Variants in ERBB4 observed in about 807,000 individuals in gnomAD.
The protein encoded by ERBB4 is erb-b2 receptor tyrosine kinase 4.
Under a neutral mutation model 158.0 loss-of-function variants are expected in ERBB4, and 42 were observed. The ratio of observed to expected loss-of-function variants is 0.27; its 90% CI spans 0.21 to 0.34. The LOEUF is 0.34. Among genes scored for constraint, ERBB4 ranks in the 10% least tolerant of loss-of-function variants. The pLI is 1.00. For missense variants in ERBB4, 1,333 were observed against 1,624.1 expected, an observed-to-expected ratio of 0.82 and a Z score of 3.08; for synonymous variants, 583 against 558.7, an observed-to-expected ratio of 1.04 and a Z score of -0.61.
chr2:212,526,055 C>A (rs1374883485), intron 1 of ERBB4, among the ~76,000 whole-genome samples: 1 of 151,788 alleles, frequency 6.6e-6, no homozygotes, highest in Non-Finnish European at 1.5e-5. Context: ...ATAAATCTGC[C>A]TTCACAGAGC....
At chr2:211,409,237 T>C (rs2063207128) in intron 25 of ERBB4, among the ~76,000 whole-genome samples, 1 of 152,172 alleles carries the variant, frequency 6.6e-6, no homozygotes, top group African/African-American at 2.4e-5. Flanking sequence ...TTTTACCATG[T>C]AACCTGGAAG....
At chr2:211,385,816 T>G (rs994967683) in intron 27 of ERBB4, among the ~76,000 whole-genome samples, 29 of 152,094 alleles carry the variant, frequency 1.9e-4, no homozygotes, top group African/African-American at 7.0e-4. Flanking sequence ...GGAGTGAAAA[T>G]CTCCCCAGAA....
rs556117542 is a variant in ERBB4 at position 211,514,889 on chromosome 2, G to A, written c.2487+47014C>T. ...TGCTCAAAAAGTTTCAAGTTTTGCA[G>A]CATTTTGGATTTTGATTTTCCAGAT... is the stretch of plus-strand genomic sequence containing the variant. On this transcript the variant is annotated intron_variant, in intron 20 of 27. Coordinates refer to ENST00000342788, the MANE Select transcript of ERBB4 (RefSeq NM_005235.3). 3.9e-5 allele frequency among the ~76,000 whole-genome samples: 6 copies of A among 152,212 alleles called. No homozygotes were observed. The East Asian group carries it at 1.2e-3, about 29-fold the overall frequency.
At chr2:212,168,028 T>A (rs1559641582) in intron 1 of ERBB4, among the ~76,000 whole-genome samples, 1 of 151,370 alleles carries the variant, frequency 6.6e-6, no homozygotes. Flanking sequence ...GTAACAAACT[T>A]GCACGTTCTG....
At chr2:212,410,992 C>A (rs1009984811) in intron 1 of ERBB4, among the ~76,000 whole-genome samples, 6 of 151,826 alleles carry the variant, frequency 4.0e-5, no homozygotes, top group African/African-American at 1.4e-4. Context: ...TCTATTTACA[C>A]AATTTATATT....
intron 3 of ERBB4, among the ~76,000 whole-genome samples, chr2:211,789,220 G>C (rs895491896): frequency 6.6e-6 from 1 of 152,072 alleles, no homozygotes; most frequent in African/African-American, 2.4e-5. Context: ...TCATGCATCA[G>C]TCCATAAAGT....
At chr2:212,214,673 T>C (rs2083042050) in intron 1 of ERBB4, among the ~76,000 whole-genome samples, 2 of 111,960 alleles carry the variant, frequency 1.8e-5, no homozygotes, top group Admixed American at 1.8e-4. Context: ...ATTTGTACAA[T>C]CTTTTTGGAA....
Position 211,379,839 on chromosome 2 carries a change from C to T in ERBB4, c.*3776G>A, listed in dbSNP as rs2062544957. 8.6e-6 allele frequency: 2 copies of T among 231,752 alleles called. No homozygotes were observed. Among genetic ancestry groups the T allele is most frequent in the Non-Finnish European group, 1.7e-5 (2 of 117,306 alleles). 14.4% of individuals were successfully genotyped at this position (231,752 alleles called of 1,614,324 possible). A position where few individuals can be genotyped will look rare whatever the true frequency, so the allele number is the denominator to read the frequency against. On this transcript the variant is annotated 3_prime_UTR_variant, in exon 28 of 28. Coordinates refer to ENST00000342788, the MANE Select transcript of ERBB4 (RefSeq NM_005235.3). ...AGAAAAACTTGTATTTACATCCTTC[C>T]CTGTCAGGCTTAAACAATTTTAATT...
At chr2:211,668,768 T>G (rs1414915260) in intron 14 of ERBB4, among the ~76,000 whole-genome samples, 1 of 152,130 alleles carries the variant, frequency 6.6e-6, no homozygotes, top group Non-Finnish European at 1.5e-5. Flanking sequence ...TAGAGGTGAC[T>G]ATGAGATAAC....
intron 1 of ERBB4, among the ~76,000 whole-genome samples, chr2:212,532,178 A>G (rs1025841034): frequency 6.6e-6 from 1 of 152,218 alleles, no homozygotes; most frequent in Admixed American, 6.5e-5. Flanking sequence ...AGCTGCCACT[A>G]GTTTATATTA....
At chr2:212,263,270 G>A (rs2085010322) in intron 1 of ERBB4, among the ~76,000 whole-genome samples, 1 of 152,064 alleles carries the variant, frequency 6.6e-6, no homozygotes, top group Non-Finnish European at 1.5e-5. Flanking sequence ...CTGGCTTCCA[G>A]AACTGTGAGA....
At chr2:212,220,524 T>C (rs966538172) in intron 1 of ERBB4, among the ~76,000 whole-genome samples, 1 of 151,424 alleles carries the variant, frequency 6.6e-6, no homozygotes, top group Non-Finnish European at 1.5e-5. Context: ...TATAGCATTC[T>C]CCTAAGACCT....
intron 3 of ERBB4, among the ~76,000 whole-genome samples, chr2:211,855,476 A>T (rs185424698): frequency 6.6e-6 from 1 of 152,310 alleles, no homozygotes; most frequent in East Asian, 1.9e-4. Flanking sequence ...TTACATCCAC[A>T]ATCTACCAGT....
At chr2:211,550,888 G>C (rs2067075518) in intron 20 of ERBB4, among the ~76,000 whole-genome samples, 1 of 150,600 alleles carries the variant, frequency 6.6e-6, no homozygotes. Context: ...ATTATGACAT[G>C]TCCTAAGAAA....
chr2:212,256,292 CATAAT>C (rs1447744851), intron 1 of ERBB4, among the ~76,000 whole-genome samples: 1 of 151,988 alleles, frequency 6.6e-6, no homozygotes, highest in Non-Finnish European at 1.5e-5. Context: ...TTTTTATTAA[CATAAT>C]ATAAAGCACT....
At position 211,399,400 on chromosome 2, in the gene ERBB4, G is replaced by A. The variant is rs552866673; in HGVS notation, c.3136-11408C>T. 4.5e-4 allele frequency among the ~76,000 whole-genome samples: 68 copies of A among 152,266 alleles called. No homozygotes were observed. In the South Asian group the frequency reaches 0.013, roughly 30 times the overall value. ...CTTAAACCCAAAGAGTGGCTCTATT[G>A]ATGAAAAATCTCAGTGACTCCATCA... On this transcript the variant is annotated intron_variant, in intron 25 of 27. Transcript: ENST00000342788.
At chr2:211,474,858 A>G (rs908507403) in intron 20 of ERBB4, among the ~76,000 whole-genome samples, 10 of 152,028 alleles carry the variant, frequency 6.6e-5, no homozygotes, top group Admixed American at 6.6e-5. Context: ...AGAAGAGTTG[A>G]TGTGAAGGAG....
At chr2:212,097,398 G>A (rs1308466559) in intron 2 of ERBB4, among the ~76,000 whole-genome samples, 1 of 152,056 alleles carries the variant, frequency 6.6e-6, no homozygotes, top group Non-Finnish European at 1.5e-5. Context: ...GATACATTGT[G>A]AGCATAGGGA....
chr2:211,451,302 G>A (rs1216557024), intron 20 of ERBB4, among the ~76,000 whole-genome samples: 3 of 152,164 alleles, frequency 2.0e-5, no homozygotes, highest in Non-Finnish European at 4.4e-5. Flanking sequence ...TGATGTTGTT[G>A]ATAAAAGTTT....
Sources: gnomAD v4.1 joint callset for allele counts (sites outside exome capture counted in the v4.1 genomes callset) on GRCh38, gnomAD v4.1.1 for gene constraint, MANE v1.5 for transcripts, NCBI Gene and HGNC (gene_info 2026-07-23, HGNC 2026-07-21) for gene names.